Variants in LPP observed in about 807,000 individuals in gnomAD.
The protein encoded by LPP is lipoma-preferred partner.
LPP carries 38 observed loss-of-function variants against 60.4 expected under a neutral mutation model. That is an observed-to-expected ratio of 0.63 (90% confidence interval 0.49 to 0.83). The LOEUF is 0.83. LPP is among the 40% of genes least tolerant of loss of function. The pLI, the probability that LPP is intolerant of heterozygous loss-of-function variation, is 0.00. For synonymous variants in LPP, 328 were observed against 290.8 expected (o/e 1.13, Z -1.30); for missense variants, 902 against 783.6 (o/e 1.15, Z -1.80).
chr3:188,268,208 G>A (rs1430730710), intron 2 of LPP, among the ~76,000 whole-genome samples: 1 of 151,924 alleles, frequency 6.6e-6, no homozygotes, highest in East Asian at 1.9e-4. Flanking sequence ...TTTCTAAAGA[G>A]CTTTTCCCAG....
At chr3:188,616,438 G>C (rs1560649047) in intron 7 of LPP, among the ~76,000 whole-genome samples, 1 of 152,054 alleles carries the variant, frequency 6.6e-6, no homozygotes, top group Non-Finnish European at 1.5e-5. Flanking sequence ...CTGTTTCATT[G>C]GTCTATATGT....
intron 4 of LPP, among the ~76,000 whole-genome samples, chr3:188,465,595 TAAAC>T (rs1800185277): frequency 6.6e-6 from 1 of 152,302 alleles, no homozygotes; most frequent in East Asian, 1.9e-4. Flanking sequence ...CACAATCTAA[TAAAC>T]AAACAGATAA....
At chr3:188,493,831 A>T (rs1026597378) in intron 5 of LPP, among the ~76,000 whole-genome samples, 1 of 151,308 alleles carries the variant, frequency 6.6e-6, no homozygotes, top group Non-Finnish European at 1.5e-5. Flanking sequence ...ATGGAATTGG[A>T]TTTCTTCTCT....
intron 3 of LPP, among the ~76,000 whole-genome samples, chr3:188,369,684 C>G (rs1478768399): frequency 6.6e-6 from 1 of 152,158 alleles, no homozygotes; most frequent in Non-Finnish European, 1.5e-5. Flanking sequence ...TCACTTAATT[C>G]TGACAGCAAC....
chr3:188,216,691 G>C (rs1042574586), intron 1 of LPP, among the ~76,000 whole-genome samples: 1 of 152,188 alleles, frequency 6.6e-6, no homozygotes, highest in Non-Finnish European at 1.5e-5. Flanking sequence ...GCTGTGCTGA[G>C]TTTTACACTA....
chr3:188,395,443 G>A (rs905440128), intron 3 of LPP, among the ~76,000 whole-genome samples: 5 of 151,664 alleles, frequency 3.3e-5, no homozygotes, highest in Non-Finnish European at 7.4e-5. Context: ...GTTGTGTTGC[G>A]CAGGCTGATC....
At chr3:188,606,006 T>C (rs1470361991) in intron 6 of LPP, among the ~76,000 whole-genome samples, 1 of 152,112 alleles carries the variant, frequency 6.6e-6, no homozygotes, top group Admixed American at 6.6e-5. Context: ...TACATTACTG[T>C]CAAACTCAAG....
intron 4 of LPP, among the ~76,000 whole-genome samples, chr3:188,430,173 C>T (rs1369540963): frequency 6.6e-6 from 1 of 151,046 alleles, no homozygotes; most frequent in Non-Finnish European, 1.5e-5. Flanking sequence ...CCTAAAGGAG[C>T]ATAGAGGTCT....
intron 1 of LPP, among the ~76,000 whole-genome samples, chr3:188,188,240 T>G: frequency 6.6e-6 from 1 of 152,200 alleles, no homozygotes; most frequent in East Asian, 1.9e-4. Flanking sequence ...ATTTCTTACT[T>G]AAGATCCTCT....
chr3:188,826,316 T>G (rs887829326), intron 9 of LPP, among the ~76,000 whole-genome samples: 2 of 152,222 alleles, frequency 1.3e-5, no homozygotes, highest in Non-Finnish European at 2.9e-5. Context: ...GGTTTCCTTA[T>G]AGGAGATCCT....
intron 6 of LPP, among the ~76,000 whole-genome samples, chr3:188,585,509 A>G (rs1837238713): frequency 6.6e-6 from 1 of 152,182 alleles, no homozygotes; most frequent in East Asian, 1.9e-4. Flanking sequence ...CCCCCTAGTA[A>G]AAAAGGGAAG....
chr3:188,553,497 A>G (rs1828708559), intron 6 of LPP, among the ~76,000 whole-genome samples: 1 of 152,134 alleles, frequency 6.6e-6, no homozygotes, highest in Non-Finnish European at 1.5e-5. Flanking sequence ...GAGGTGGATG[A>G]CCTGTCTATA....
chr3:188,266,524 G>T (rs964673762), intron 2 of LPP, among the ~76,000 whole-genome samples: 7 of 151,406 alleles, frequency 4.6e-5, no homozygotes, highest in African/African-American at 1.7e-4. Context: ...GAGGGGAGGG[G>T]AGGGGAGGAG....
At chr3:188,419,447 A>G (rs1013704703) in intron 4 of LPP, among the ~76,000 whole-genome samples, 2 of 152,200 alleles carry the variant, frequency 1.3e-5, no homozygotes, top group Admixed American at 1.3e-4. Context: ...GGAAGGTTAC[A>G]GAGAAGAAAG....
At position 188,886,731 on chromosome 3, in the gene LPP, CACACAT is replaced by C. The variant is rs200622371; in HGVS notation, c.*12258_*12263del. ...GTATTGTCTTCAAAACACACACACA[CACACAT>C]ACACACACACACACACACACACACA... is the stretch of plus-strand genomic sequence containing the variant. On this transcript the variant is annotated 3_prime_UTR_variant, in exon 12 of 12. Coordinates refer to ENST00000617246, the MANE Select transcript of LPP (RefSeq NM_001375462.1). The C allele has an allele frequency of 0.11, 19,292 of 178,154 alleles. 1,222 individuals are homozygous for C. Among genetic ancestry groups the C allele is most frequent in the East Asian group, 0.32 (3,694 of 11,628 alleles). The allele number at this position is 178,154 out of a possible 1,614,324, so 11.0% of individuals were successfully genotyped here.
chr3:188,825,263 CTCTCTCTGTGTGTGTGTGTG>C (rs1331526063), intron 9 of LPP, among the ~76,000 whole-genome samples: 1 of 103,496 alleles, frequency 9.7e-6, no homozygotes, highest in African/African-American at 3.6e-5. Flanking sequence ...CTCTCTCTCT[CTCTCTCTGTGTGTGTGTGTG>C]TGTGTGTGTG....
chr3:188,333,026 T>C (rs1760579979), intron 2 of LPP, among the ~76,000 whole-genome samples: 1 of 151,902 alleles, frequency 6.6e-6, no homozygotes, highest in African/African-American at 2.4e-5. Flanking sequence ...TAGGCTCACT[T>C]CTGGGGCGTC....
At chr3:188,341,941 A>G (rs1228192898) in intron 3 of LPP, among the ~76,000 whole-genome samples, 2 of 152,170 alleles carry the variant, frequency 1.3e-5, no homozygotes. Context: ...GTTTAATACC[A>G]AAACCAAAAA....
At chr3:188,239,967 T>C (rs1723334841) in intron 2 of LPP, 1 of 198,288 alleles carries the variant, frequency 5.0e-6, no homozygotes, top group African/African-American at 2.3e-5. Flanking sequence ...CACCTCACTT[T>C]ACAGTCAGAG....
Sources: allele counts gnomAD v4.1 joint callset (sites outside exome capture counted in the v4.1 genomes callset), GRCh38; gene constraint gnomAD v4.1.1; transcripts MANE v1.5; gene names NCBI Gene and HGNC (gene_info 2026-07-23, HGNC 2026-07-21).